ATP6V1C1: variants seen among roughly 807,000 people sequenced by gnomAD.
ATP6V1C1 encodes the protein V-type proton ATPase subunit C 1.
In ATP6V1C1, 45 loss-of-function variants were observed where a neutral mutation model predicts 53.9. That is an observed-to-expected ratio of 0.83 (90% CI 0.66 to 1.07). The LOEUF (loss-of-function observed/expected upper bound fraction) is 1.07, where lower values mean the gene tolerates loss of function less well. Among genes scored for constraint, ATP6V1C1 ranks in the 50% least tolerant of loss-of-function variants. The probability of loss-of-function intolerance (pLI) is 0.00; values close to 1 mark genes in which losing one functional copy is unlikely to be tolerated. For missense variants in ATP6V1C1, 315 were observed against 440.3 expected, an observed-to-expected ratio of 0.72 and a Z score of 2.55; for synonymous variants, 153 against 155.2, an observed-to-expected ratio of 0.99 and a Z score of 0.11.
At chr8:103,061,012 T>C (rs1817386696) in intron 8 of ATP6V1C1, among the ~76,000 whole-genome samples, 1 of 152,226 alleles carries the variant, frequency 6.6e-6, no homozygotes, top group African/African-American at 2.4e-5. Context: ...TGAAATAGCC[T>C]GTCAAGTTAG....
intron 3 of ATP6V1C1, 55 bp downstream of exon 3, chr8:103,042,462 T>G (rs1817018549): frequency 6.5e-7 from 1 of 1,542,760 alleles, no homozygotes; most frequent in African/African-American, 1.4e-5. Flanking sequence ...ATTATCAGGC[T>G]TCATGGACAC....
At chr8:103,042,504 T>C in intron 3 of ATP6V1C1, 97 bp downstream of exon 3, 1 of 1,245,474 alleles carries the variant, frequency 8.0e-7, no homozygotes, top group Non-Finnish European at 1.1e-6. Context: ...ACTCTGCTTA[T>C]TGGAATGGTT....
At chr8:103,050,263 G>A (rs757562416) in intron 4 of ATP6V1C1, among the ~76,000 whole-genome samples, 15 of 152,108 alleles carry the variant, frequency 9.9e-5, no homozygotes, top group African/African-American at 1.2e-4. Context: ...GATCTTCTAC[G>A]TATTTTATGA....
Position 103,068,971 on chromosome 8 carries a change from A to G in ATP6V1C1, c.*224A>G, listed in dbSNP as rs1373061099. 4.9e-5 allele frequency: 14 copies of G among 286,746 alleles called. 1 individual carries two copies. The highest frequency in any genetic ancestry group is 2.5e-4 in the Admixed American group (5 of 19,818). 17.8% of individuals were successfully genotyped at this position (286,746 alleles called of 1,614,324 possible). On this transcript the variant is annotated 3_prime_UTR_variant, in exon 13 of 13. Coordinates refer to ENST00000518738, the MANE Select transcript of ATP6V1C1 (RefSeq NM_001695.5). ...TTGATCAGGTCTGTAAATGTGTACT[A>G]AAAAAATCAGAGTTTATTTATAAAC...
chr8:103,054,583 G>A (rs189323227), intron 7 of ATP6V1C1, among the ~76,000 whole-genome samples: 11 of 152,212 alleles, frequency 7.2e-5, no homozygotes, highest in African/African-American at 2.4e-4. Context: ...TATGGGCATA[G>A]TTTGCTAACC....
chr8:103,023,908 G>T (rs74674795), intron 1 of ATP6V1C1, among the ~76,000 whole-genome samples: 62,941 of 151,322 alleles, frequency 0.42, 13,694 homozygotes, highest in African/African-American at 0.56. Flanking sequence ...TTTTTTTTGG[G>T]GGGGGGGAAC....
chr8:103,055,010 G>A (rs1375146532), intron 7 of ATP6V1C1, among the ~76,000 whole-genome samples: 1 of 151,968 alleles, frequency 6.6e-6, no homozygotes, highest in Non-Finnish European at 1.5e-5. Context: ...CTTTGCACAG[G>A]GAGAAGGCCT....
At chr8:103,058,983 ATTT>A (rs367688530) in intron 8 of ATP6V1C1, among the ~76,000 whole-genome samples, 1 of 137,506 alleles carries the variant, frequency 7.3e-6, no homozygotes. Flanking sequence ...CCACTTTCCT[ATTT>A]TTTTTTTTTT....
chr8:103,030,080 A>G (rs1816769451), intron 1 of ATP6V1C1, among the ~76,000 whole-genome samples: 1 of 152,138 alleles, frequency 6.6e-6, no homozygotes, highest in Non-Finnish European at 1.5e-5. Flanking sequence ...TCAAGATAGC[A>G]CGCCATACAT....
chr8:103,034,210 C>T (rs1816850757), intron 1 of ATP6V1C1, among the ~76,000 whole-genome samples: 1 of 152,134 alleles, frequency 6.6e-6, no homozygotes. Context: ...AGGACATAGA[C>T]CTGGATCTGA....
rs1372944900 is a variant in ATP6V1C1 at position 103,068,766 on chromosome 8, A to G, written c.*19A>G. On this transcript the variant is annotated 3_prime_UTR_variant, in exon 13 of 13. Transcript: ENST00000518738. ...CAAGTGAAAATGGGCTCCTCCCCCG[A>G]CAATCCTGTCCTTGTGTTTGTGTGT... 3 of 1,590,316 alleles carry G rather than the reference A, an allele frequency of 1.9e-6. No homozygotes were observed. The highest frequency in any genetic ancestry group is 2.6e-6 in the Non-Finnish European group (3 of 1,161,296).
chr8:103,044,838 T>C (rs914155093), intron 3 of ATP6V1C1, among the ~76,000 whole-genome samples: 4 of 152,200 alleles, frequency 2.6e-5, no homozygotes, highest in Non-Finnish European at 5.9e-5. Context: ...CCTAATATTC[T>C]TGTCTTTATC....
intron 4 of ATP6V1C1, among the ~76,000 whole-genome samples, chr8:103,049,634 T>A (rs1586319763): frequency 6.6e-6 from 1 of 152,122 alleles, no homozygotes; most frequent in South Asian, 2.1e-4. Flanking sequence ...TAGTGATACG[T>A]TTTTATAACA....
chr8:103,061,473 C>T (rs1320156100), intron 8 of ATP6V1C1, among the ~76,000 whole-genome samples: 2 of 152,072 alleles, frequency 1.3e-5, no homozygotes, highest in Non-Finnish European at 2.9e-5. Flanking sequence ...TCTTTAAATT[C>T]CCCAGCATTC....
chr8:103,045,773 C>T (rs1817084926), intron 3 of ATP6V1C1, among the ~76,000 whole-genome samples: 1 of 152,180 alleles, frequency 6.6e-6, no homozygotes, highest in Non-Finnish European at 1.5e-5. Context: ...AACCCCGTCT[C>T]TACTAAAAAT....
intron 2 of ATP6V1C1, among the ~76,000 whole-genome samples, chr8:103,041,419 A>T (rs1360965613): frequency 6.6e-6 from 1 of 152,218 alleles, no homozygotes; most frequent in Non-Finnish European, 1.5e-5. Flanking sequence ...ATTCACTCTT[A>T]TCAAAGATCA....
chr8:103,026,982 C>A (rs181264941), intron 1 of ATP6V1C1, among the ~76,000 whole-genome samples: 1 of 152,078 alleles, frequency 6.6e-6, no homozygotes, highest in East Asian at 1.9e-4. Context: ...GCTTCTGTTT[C>A]GAAGGATAGA....
chr8:103,021,511 G>T (rs1816587458), intron 1 of ATP6V1C1: 1 of 152,500 alleles, frequency 6.6e-6, no homozygotes, highest in South Asian at 2.1e-4. Context: ...TTCTTCTTGG[G>T]TAGGAATGCA....
At chr8:103,032,832 T>A (rs987496169) in intron 1 of ATP6V1C1, among the ~76,000 whole-genome samples, 4 of 152,222 alleles carry the variant, frequency 2.6e-5, no homozygotes, top group Non-Finnish European at 5.9e-5. Flanking sequence ...ATTCTACTTT[T>A]AGAATTTTTT....
Sources: allele counts gnomAD v4.1 joint callset (sites outside exome capture counted in the v4.1 genomes callset), GRCh38; gene constraint gnomAD v4.1.1; transcripts MANE v1.5; gene names NCBI Gene and HGNC (gene_info 2026-07-23, HGNC 2026-07-21).